FGF12: variants seen among roughly 807,000 people sequenced by gnomAD.
FGF12 encodes fibroblast growth factor 12B.
Under a neutral mutation model 23.6 loss-of-function variants are expected in FGF12, and 14 were observed. The observed-to-expected ratio is 0.59, with a 90% confidence interval of 0.39 to 0.93. The LOEUF is 0.93. Among genes scored for constraint, FGF12 ranks in the 40% least tolerant of loss-of-function variants. The pLI is 0.00. For missense variants in FGF12, 175 were observed against 217.8 expected (o/e 0.80, Z 1.24); for synonymous variants, 62 against 77.3 (o/e 0.80, Z 1.04).
chr3:192,474,689 C>A (rs1723267601), intron 2 of FGF12, among the ~76,000 whole-genome samples: 1 of 151,966 alleles, frequency 6.6e-6, no homozygotes, highest in East Asian at 1.9e-4. Context: ...AGTTCGAGAC[C>A]AGCCTGGCCA....
intron 2 of FGF12, among the ~76,000 whole-genome samples, chr3:192,637,621 A>T (rs1473511527): frequency 1.3e-5 from 2 of 152,184 alleles, no homozygotes; most frequent in Non-Finnish European, 1.5e-5. Context: ...TGTGGTGTTT[A>T]GCTTCTTTTG....
intron 2 of FGF12, among the ~76,000 whole-genome samples, chr3:192,505,948 G>A (rs4687336): frequency 0.76 from 115,846 of 152,182 alleles, 44,731 homozygotes; most frequent in East Asian, 0.84. Flanking sequence ...GAGGAGTTAC[G>A]AATATTCATG....
chr3:192,570,263 C>A (rs1451254235), intron 2 of FGF12, among the ~76,000 whole-genome samples: 1 of 152,112 alleles, frequency 6.6e-6, no homozygotes, highest in African/African-American at 2.4e-5. Context: ...TGGATTTGAA[C>A]ATACTGAATT....
rs541494898 is a variant in FGF12 at position 192,688,028 on chromosome 3, C to A, written c.13+39153G>T. ...ACACATGCCTTCAGCCAGCAACTGA[C>A]CTTTGCTGCCACACACATGCCTTCA... On this transcript the variant is annotated intron_variant, in intron 2 of 5. Transcript: ENST00000445105. Among the ~76,000 whole-genome samples, 8 of 152,114 alleles carry A rather than the reference C, an allele frequency of 5.3e-5. 1 individual carries two copies. The South Asian group carries it at 1.7e-3, about 32-fold the overall frequency.
intron 2 of FGF12, among the ~76,000 whole-genome samples, chr3:192,568,421 G>T (rs1053720091): frequency 6.6e-6 from 1 of 152,082 alleles, no homozygotes; most frequent in East Asian, 1.9e-4. Flanking sequence ...AATAATATCT[G>T]ATCTCTGCTC....
rs1257129619 is a variant in FGF12 at position 192,360,441 on chromosome 3, T to C, written c.111A>G (p.Glu37=). 3.1e-6 allele frequency: 5 copies of C among 1,610,938 alleles called. No individual in the cohort carries two copies. The African/African-American group carries it at 6.7e-5, about 22-fold the overall frequency. The change falls in exon 3 of 6, where the codon GAA becomes GAG. Residue 37 remains glutamate, a synonymous_variant. Transcript: ENST00000445105. The surrounding 1 kb of genome is among the most constrained non-coding windows in gnomAD (Gnocchi z 4.3). The part of the protein sequence containing the change: ...PDGTIDGTKD[E]NSDYTLFNLI... Reference sequence around the variant, plus strand: ...AATGTTTCTTACTGTAGTCGCTGTTTTCGTCCTTGGTCCCATCAATGGTAC... The same window carrying C: ...AATGTTTCTTACTGTAGTCGCTGTTCTCGTCCTTGGTCCCATCAATGGTAC...
At chr3:192,228,787 G>A (rs1718867462) in intron 4 of FGF12, among the ~76,000 whole-genome samples, 1 of 152,034 alleles carries the variant, frequency 6.6e-6, no homozygotes, top group African/African-American at 2.4e-5. Flanking sequence ...TTGCTCCACT[G>A]ATTTACATTC....
intron 4 of FGF12, among the ~76,000 whole-genome samples, chr3:192,262,568 CA>C (rs907495528): frequency 3.6e-4 from 55 of 152,210 alleles, no homozygotes; most frequent in African/African-American, 1.3e-3. Context: ...TTTAGATACA[CA>C]AATATCACTA....
At chr3:192,320,525 T>C (rs140693739) in intron 4 of FGF12, among the ~76,000 whole-genome samples, 126 of 152,292 alleles carry the variant, frequency 8.3e-4, no homozygotes, top group Admixed American at 2.9e-3. Flanking sequence ...TCTCAGCACA[T>C]GGATTATTCT....
At chr3:192,720,363 G>A (rs1479228534) in intron 2 of FGF12, among the ~76,000 whole-genome samples, 1 of 152,242 alleles carries the variant, frequency 6.6e-6, no homozygotes, top group African/African-American at 2.4e-5. Flanking sequence ...CTTCTGCCTA[G>A]GTGCCATCAG....
intron 3 of FGF12, among the ~76,000 whole-genome samples, chr3:192,351,792 A>T (rs566797791): frequency 6.6e-6 from 1 of 152,348 alleles, no homozygotes; most frequent in East Asian, 1.9e-4. Flanking sequence ...CCTCAAATAC[A>T]GCAGAGTGAA....
intron 2 of FGF12, among the ~76,000 whole-genome samples, chr3:192,479,260 C>A (rs965594127): frequency 2.0e-5 from 3 of 152,118 alleles, no homozygotes; most frequent in Non-Finnish European, 4.4e-5. Context: ...GAGTCTAACA[C>A]CATCATCCTT....
At position 192,514,928 on chromosome 3, in the gene FGF12, C is replaced by A; in HGVS notation, c.14-154390G>T. 1 of 960,176 alleles carries A rather than the reference C, an allele frequency of 1.0e-6. No homozygotes were observed. The allele number at this position is 960,176 out of a possible 1,614,324, so 59.5% of individuals were successfully genotyped here. On this transcript the variant is annotated intron_variant, in intron 2 of 5. Transcript: ENST00000445105. The surrounding 1 kb of genome is among the most constrained non-coding windows in gnomAD (Gnocchi z 4.9). ...GCCCGGGCGCCGGCAGGGGGCGGGC[C>A]GGGACGCGGAAGTGCCGGTCCGCCG...
At chr3:192,604,010 C>T (rs554662229) in intron 2 of FGF12, among the ~76,000 whole-genome samples, 13 of 152,208 alleles carry the variant, frequency 8.5e-5, no homozygotes, top group African/African-American at 3.1e-4. Flanking sequence ...AGACCTCCCC[C>T]CAGGAATGAA....
At chr3:192,504,808 C>T (rs1476823337) in intron 2 of FGF12, among the ~76,000 whole-genome samples, 2 of 151,928 alleles carry the variant, frequency 1.3e-5, no homozygotes, top group Non-Finnish European at 2.9e-5. Flanking sequence ...GTGAGTTCGA[C>T]GTGTCAAGAT....
At chr3:192,644,614 A>G (rs1342706025) in intron 2 of FGF12, among the ~76,000 whole-genome samples, 3 of 152,204 alleles carry the variant, frequency 2.0e-5, no homozygotes, top group Admixed American at 6.5e-5. Flanking sequence ...ATCATTAAGT[A>G]AATACTTATT....
intron 2 of FGF12, among the ~76,000 whole-genome samples, chr3:192,555,262 C>A (rs551474797): frequency 1.3e-5 from 2 of 152,160 alleles, no homozygotes; most frequent in East Asian, 1.9e-4. Flanking sequence ...TGTCAAAAGT[C>A]AGACAATGAG....
chr3:192,408,805 A>G lies in FGF12; in HGVS notation c.14-48267T>C. ...AAACAAGCCACCAACCGCACGAGAGAAGGAGAGGAAGGCAGCAATTTAACT... is the reference window on the plus strand; with the variant it reads ...AAACAAGCCACCAACCGCACGAGAGGAGGAGAGGAAGGCAGCAATTTAACT... On this transcript the variant is annotated intron_variant, in intron 2 of 5. Coordinates refer to ENST00000445105, the MANE Select transcript of FGF12 (RefSeq NM_004113.6). The surrounding 1 kb of genome is among the most constrained non-coding windows in gnomAD (Gnocchi z 7.3). 4 of 985,746 alleles carry G rather than the reference A, an allele frequency of 4.1e-6. No homozygotes were observed. The highest frequency in any genetic ancestry group is 4.8e-6 in the Non-Finnish European group (4 of 830,220). The allele number at this position is 985,746 out of a possible 1,614,324, so 61.1% of individuals were successfully genotyped here. A position where few individuals can be genotyped will look rare whatever the true frequency, so the allele number is the denominator to read the frequency against.
chr3:192,669,502 GC>G (rs1345259647), intron 2 of FGF12, among the ~76,000 whole-genome samples: 9 of 149,530 alleles, frequency 6.0e-5, no homozygotes, highest in Non-Finnish European at 8.9e-5. Context: ...CAGGAGAATC[GC>G]TTGAATCCAG....
Sources: gnomAD v4.1 joint callset for allele counts (sites outside exome capture counted in the v4.1 genomes callset) on GRCh38, gnomAD v4.1.1 for gene constraint, Gnocchi (gnomAD v3.1) non-coding constraint, MANE v1.5 for transcripts, NCBI Gene and HGNC (gene_info 2026-07-23, HGNC 2026-07-21) for gene names.